Variants in SLFN12L observed in about 807,000 individuals in gnomAD.
The protein encoded by SLFN12L is schlafen family member 12-like.
Under a neutral mutation model 34.8 loss-of-function variants are expected in SLFN12L, and 34 were observed. The ratio of observed to expected loss-of-function variants is 0.98; its 90% CI spans 0.74 to 1.30. The LOEUF is 1.30. Ranked by LOEUF, SLFN12L falls within the 50% of genes most tolerant of loss-of-function variation. The pLI is 0.00. For missense variants in SLFN12L, 703 were observed against 696.2 expected (o/e 1.01, Z -0.11); for synonymous variants, 259 against 247.5 (o/e 1.05, Z -0.44).
chr17:35,475,206 G>A lies in SLFN12L; in HGVS notation c.1556C>T (p.Thr519Ile). The A allele has an allele frequency of 6.2e-7, 1 of 1,614,042 alleles. No homozygotes were observed. Among genetic ancestry groups the A allele is most frequent in the East Asian group, 2.2e-5 (1 of 44,886 alleles). Residue 519 changes from threonine (T) to isoleucine (I), a missense_variant, in exon 5 of 5, where the codon ACT (threonine) becomes ATT (isoleucine). Thr to Ile is a moderately conservative substitution (Grantham distance 89). Transcript: ENST00000628453. Reference protein sequence around the residue: ...FKDYSTQTAQTLKQKLAKIGG... With the variant: ...FKDYSTQTAQILKQKLAKIGG... ...AATTTTTGCCAGCTTCTGTTTTAAAGTTTGGGCAGTTTGTGTAGAATAGTC... is the reference window on the plus strand; with the variant it reads ...AATTTTTGCCAGCTTCTGTTTTAAAATTTGGGCAGTTTGTGTAGAATAGTC...
intron 1 of SLFN12L, among the ~76,000 whole-genome samples, chr17:35,535,386 G>A (rs1397415966): frequency 6.6e-6 from 1 of 150,442 alleles, no homozygotes; most frequent in Non-Finnish European, 1.5e-5. Context: ...TAGTAGTGAC[G>A]GGGTTTCTCC....
chr17:35,490,653 A>G (rs1366081417), intron 2 of SLFN12L: 5 of 947,484 alleles, frequency 5.3e-6, no homozygotes, highest in Non-Finnish European at 8.7e-6. Flanking sequence ...AACTGATCCC[A>G]AGCTGCACGC....
At chr17:35,498,447 CG>C in intron 2 of SLFN12L, 1 of 1,310,058 alleles carries the variant, frequency 7.6e-7, no homozygotes, top group East Asian at 2.3e-5. Context: ...TGGACGACTG[CG>C]GAATTTTCTC....
chr17:35,487,636 G>A, intron 2 of SLFN12L: 2 of 1,365,164 alleles, frequency 1.5e-6, no homozygotes, highest in Non-Finnish European at 2.0e-6. Context: ...GAATAGCTCT[G>A]AGGGATCACG....
intron 2 of SLFN12L, among the ~76,000 whole-genome samples, chr17:35,484,047 G>T (rs1290878527): frequency 2.0e-5 from 3 of 152,102 alleles, no homozygotes; most frequent in Non-Finnish European, 4.4e-5. Flanking sequence ...AATTTACAGG[G>T]ACCAGAGTAG....
chr17:35,490,843 A>C, intron 2 of SLFN12L: 1 of 1,075,378 alleles, frequency 9.3e-7, no homozygotes, highest in East Asian at 2.4e-5. Context: ...TTTGGCAGGT[A>C]CCCAAGGGCA....
chr17:35,482,955 GC>G (rs1475430165), intron 2 of SLFN12L, among the ~76,000 whole-genome samples: 1 of 152,076 alleles, frequency 6.6e-6, no homozygotes, highest in African/African-American at 2.4e-5. Flanking sequence ...CAGAGCAGGG[GC>G]AGAGGAGGAA....
intron 1 of SLFN12L, among the ~76,000 whole-genome samples, chr17:35,537,061 C>T (rs758735614): frequency 6.6e-6 from 1 of 152,018 alleles, no homozygotes; most frequent in Non-Finnish European, 1.5e-5. Flanking sequence ...TGCCTGTAGT[C>T]CCCGCACTTT....
rs988543553 is a variant in SLFN12L at position 35,467,262 on chromosome 17, G to A, written c.*7661C>T. Among the ~76,000 whole-genome samples, 40 of 152,198 alleles carry A rather than the reference G, an allele frequency of 2.6e-4. No individual in the cohort carries two copies. Among genetic ancestry groups the A allele is most frequent in the African/African-American group, 9.4e-4 (39 of 41,452 alleles). On this transcript the variant is annotated 3_prime_UTR_variant, in exon 5 of 5. Transcript: ENST00000628453. ...TGATGGAGCTAGGTGGAATATTACC[G>A]AATGCTGGATGCCCTGGCCAACAAA...
intron 2 of SLFN12L, chr17:35,490,156 C>T: frequency 6.2e-7 from 1 of 1,607,002 alleles, no homozygotes; most frequent in South Asian, 1.1e-5. Flanking sequence ...AGGGACCCTC[C>T]AGCAGAGCCG....
At chr17:35,481,529 G>C (rs1479545100) in intron 2 of SLFN12L, among the ~76,000 whole-genome samples, 2 of 152,262 alleles carry the variant, frequency 1.3e-5, no homozygotes, top group African/African-American at 2.4e-5. Flanking sequence ...CATCTTGGCT[G>C]CCAAACAGGG....
chr17:35,488,608 A>G (rs1197338491), intron 2 of SLFN12L, among the ~76,000 whole-genome samples: 5 of 152,160 alleles, frequency 3.3e-5, no homozygotes, highest in African/African-American at 4.8e-5. Flanking sequence ...TGAAATGCAC[A>G]CAGGCCAAAA....
chr17:35,531,723 T>C (rs2072413096), intron 1 of SLFN12L, among the ~76,000 whole-genome samples: 1 of 152,034 alleles, frequency 6.6e-6, no homozygotes, highest in African/African-American at 2.4e-5. Flanking sequence ...TTCAAGTGAG[T>C]CTCCTGCCTC....
intron 2 of SLFN12L, among the ~76,000 whole-genome samples, chr17:35,500,767 A>G (rs1024700032): frequency 6.6e-6 from 1 of 151,428 alleles, no homozygotes; most frequent in Non-Finnish European, 1.5e-5. Flanking sequence ...CTAACTGGTT[A>G]TTTTATCTAT....
intron 2 of SLFN12L, chr17:35,490,933 C>A: frequency 2.5e-6 from 2 of 789,986 alleles, no homozygotes; most frequent in East Asian, 2.4e-5. Flanking sequence ...ATGGGAATAT[C>A]CTTAAACCCA....
Position 35,474,762 on chromosome 17 carries a change from A to G in SLFN12L, c.*161T>C. On this transcript the variant is annotated 3_prime_UTR_variant, in exon 5 of 5. Coordinates refer to ENST00000628453, the MANE Select transcript of SLFN12L (RefSeq NM_001363830.2). ...AAGACGGTGAAACCCCATCTCTGCT[A>G]AAAATACAAAAAAAAAAAAATTAGC... The G allele has an allele frequency of 1.8e-6, 1 of 569,954 alleles. No individual in the cohort carries two copies. Among genetic ancestry groups the G allele is most frequent in the South Asian group, 2.1e-5 (1 of 46,920 alleles). The allele number at this position is 569,954 out of a possible 1,614,324, so 35.3% of individuals were successfully genotyped here.
In SLFN12L at chr17:35,467,614, C is replaced by T. The variant is rs1365689687; in HGVS notation, c.*7309G>A. Among the ~76,000 whole-genome samples, 1 of 152,172 alleles carries T rather than the reference C, an allele frequency of 6.6e-6. No individual in the cohort carries two copies. The highest frequency in any genetic ancestry group is 1.5e-5 in the Non-Finnish European group (1 of 68,026). ...AACTTCTTTTAAAGTTCCAGTCCAA[C>T]AAATGGACCTCTCAATGGGTCTTTA... On this transcript the variant is annotated 3_prime_UTR_variant, in exon 5 of 5. Coordinates refer to ENST00000628453, the MANE Select transcript of SLFN12L (RefSeq NM_001363830.2).
rs1258562890 is a variant in SLFN12L at position 35,502,903 on chromosome 17, G to A, written c.86+19376C>T. Among the ~76,000 whole-genome samples the A allele has an allele frequency of 5.3e-5, 8 of 152,216 alleles. No individual in the cohort carries two copies. In the East Asian group the frequency reaches 5.8e-4, roughly 11 times the overall value. On this transcript the variant is annotated intron_variant, in intron 2 of 4. Coordinates refer to ENST00000628453, the MANE Select transcript of SLFN12L (RefSeq NM_001363830.2). ...ATTCTTGTCCTGAAATAAATTAACC[G>A]GTTGTTTAAAGAAAGAAATGTTTGT...
intron 1 of SLFN12L, among the ~76,000 whole-genome samples, chr17:35,534,914 A>G (rs1278571120): frequency 6.6e-6 from 1 of 152,206 alleles, no homozygotes; most frequent in African/African-American, 2.4e-5. Context: ...ATCAATCAAG[A>G]GCAAATAAAA....
Sources: allele counts gnomAD v4.1 joint callset (sites outside exome capture counted in the v4.1 genomes callset), GRCh38; gene constraint gnomAD v4.1.1; transcripts MANE v1.5; gene names NCBI Gene and HGNC (gene_info 2026-07-23, HGNC 2026-07-21).